Variants in DIXDC1 observed in about 807,000 individuals in gnomAD.
The protein encoded by DIXDC1 is dixin.
Under a neutral mutation model 103.1 loss-of-function variants are expected in DIXDC1, and 64 were observed. That is an observed-to-expected ratio of 0.62 (90% CI 0.51 to 0.76). The LOEUF (loss-of-function observed/expected upper bound fraction) is 0.76. Among genes scored for constraint, DIXDC1 ranks in the 30% least tolerant of loss-of-function variants. The pLI is 0.00. For missense variants in DIXDC1, 759 were observed against 834.2 expected, an observed-to-expected ratio of 0.91 and a Z score of 1.11; for synonymous variants, 266 against 298.5, an observed-to-expected ratio of 0.89 and a Z score of 1.12.
upstream of DIXDC1, chr11:111,937,111 C>A (rs1555168199): frequency 1.6e-6 from 1 of 623,376 alleles, no homozygotes; most frequent in Non-Finnish European, 2.0e-6. Context: ...CACGCACACA[C>A]GCCCGTGCTG....
In DIXDC1 at chr11:112,022,285, C is replaced by T. The variant is rs1179085770; in HGVS notation, c.*3249C>T. The T allele has an allele frequency of 2.0e-5, 3 of 152,088 alleles. No homozygotes were observed. The highest frequency in any genetic ancestry group is 2.9e-5 in the Non-Finnish European group (2 of 68,006). 9.4% of individuals were successfully genotyped at this position (152,088 alleles called of 1,614,324 possible). On this transcript the variant is annotated 3_prime_UTR_variant, in exon 20 of 20. Coordinates refer to ENST00000440460, the MANE Select transcript of DIXDC1 (RefSeq NM_001037954.4). This position sits in a 1 kb window ranked among gnomAD's most constrained non-coding sequence, Gnocchi z 4.9. ...ATTTTCACTGTTTCCATAAAATAAG[C>T]ATTATGATTGCACACTCCTTCTACT...
chr11:111,997,533 G>A (rs769961804), intron 17 of DIXDC1, among the ~76,000 whole-genome samples: 6 of 152,080 alleles, frequency 3.9e-5, no homozygotes, highest in African/African-American at 1.2e-4. Context: ...ATGGGGTTTC[G>A]CCATGTTGGC....
At chr11:111,974,315 T>C (rs1860029286) in intron 4 of DIXDC1, 61 bp downstream of exon 4, 1 of 1,491,722 alleles carries the variant, frequency 6.7e-7, no homozygotes, top group Non-Finnish European at 9.1e-7. Flanking sequence ...TTCTGTTAGA[T>C]GATACAGTGC....
At chr11:111,932,938 T>C, upstream of DIXDC1, among the ~76,000 whole-genome samples, 1 of 152,202 alleles carries the variant, frequency 6.6e-6, no homozygotes, top group Non-Finnish European at 1.5e-5. Context: ...TCATAAGAGG[T>C]GCTCAGTATC....
At chr11:111,963,851 G>T (rs974732412) in intron 1 of DIXDC1, among the ~76,000 whole-genome samples, 2 of 152,174 alleles carry the variant, frequency 1.3e-5, no homozygotes, top group Admixed American at 6.5e-5. Flanking sequence ...ATGCCTCTTA[G>T]TCTTCAGTAA....
At chr11:111,941,828 G>A (rs961692608) in intron 1 of DIXDC1, among the ~76,000 whole-genome samples, 3 of 134,382 alleles carry the variant, frequency 2.2e-5, no homozygotes, top group Admixed American at 7.4e-5. Context: ...AAAACAAAAC[G>A]AAACAAAATA....
At chr11:112,006,216 A>AAC (rs1362208484) in intron 17 of DIXDC1, among the ~76,000 whole-genome samples, 1 of 152,248 alleles carries the variant, frequency 6.6e-6, no homozygotes, top group East Asian at 1.9e-4. Context: ...ACTGCGAGGC[A>AAC]ACAGCCTGGC....
intron 19 of DIXDC1, among the ~76,000 whole-genome samples, chr11:112,018,562 C>A (rs138623021): frequency 2.2e-4 from 34 of 152,276 alleles, no homozygotes; most frequent in African/African-American, 7.9e-4. Flanking sequence ...ATGAAAATAA[C>A]TGCATCTGAG....
At chr11:111,940,164 C>T (rs1335809707) in intron 1 of DIXDC1, among the ~76,000 whole-genome samples, 1 of 152,212 alleles carries the variant, frequency 6.6e-6, no homozygotes, top group East Asian at 1.9e-4. Context: ...CCACTGTTGG[C>T]TTCTGTTCTC....
intron 10 of DIXDC1, among the ~76,000 whole-genome samples, chr11:111,990,177 G>A (rs188580467): frequency 7.8e-4 from 116 of 149,344 alleles, no homozygotes; most frequent in African/African-American, 2.7e-3. Flanking sequence ...TGCAATCTCC[G>A]CCTCCTGGGT....
chr11:111,930,592 G>A (rs1314909483), intron 2 of DIXDC1, among the ~76,000 whole-genome samples: 4 of 152,178 alleles, frequency 2.6e-5, no homozygotes, highest in Admixed American at 2.6e-4. Context: ...ATGTGGGCAC[G>A]TTTGGTAAAC....
intron 15 of DIXDC1, 81 bp from the exon 16 acceptor site, chr11:111,995,322 C>A: frequency 1.3e-6 from 2 of 1,552,612 alleles, no homozygotes; most frequent in Admixed American, 1.8e-5. Flanking sequence ...CTTCTGGAAA[C>A]TTCTCTCCTA....
intron 1 of DIXDC1, among the ~76,000 whole-genome samples, chr11:111,951,868 A>AC (rs1339888245): frequency 1.7e-5 from 1 of 57,576 alleles, no homozygotes; most frequent in Non-Finnish European, 3.0e-5. Flanking sequence ...GTCCATTAAA[A>AC]CTTTTTTTTT....
At chr11:112,018,395 T>C (rs2137651784) in intron 19 of DIXDC1, among the ~76,000 whole-genome samples, 1 of 152,358 alleles carries the variant, frequency 6.6e-6, no homozygotes, top group Non-Finnish European at 1.5e-5. Flanking sequence ...GGAATACAGT[T>C]CTGGGTTATA....
Position 111,977,887 on chromosome 11 carries a change from T to C in DIXDC1, c.657-2850T>C. On this transcript the variant is annotated intron_variant, in intron 5 of 19. Transcript: ENST00000440460. This position sits in a 1 kb window ranked among gnomAD's most constrained non-coding sequence, Gnocchi z 6.1. The stretch of plus-strand genomic sequence containing the variant: ...TGCTGTTGGCCGGAGACAGGCGGGG[T>C]GGTGGGAGCATTATGTTGGGAGGAC... 1 of 1,440,412 alleles carries C rather than the reference T, an allele frequency of 6.9e-7. No individual in the cohort carries two copies. The highest frequency in any genetic ancestry group is 2.8e-5 in the East Asian group (1 of 35,436). The allele number at this position is 1,440,412 out of a possible 1,614,324, so 89.2% of individuals were successfully genotyped here.
intron 2 of DIXDC1, among the ~76,000 whole-genome samples, chr11:111,930,314 C>A (rs1393615054): frequency 6.6e-6 from 1 of 152,108 alleles, no homozygotes; most frequent in Non-Finnish European, 1.5e-5. Context: ...TTCTTGCAGT[C>A]ACTATATATA....
chr11:111,947,495 A>G (rs1246461637), intron 1 of DIXDC1, among the ~76,000 whole-genome samples: 1 of 152,192 alleles, frequency 6.6e-6, no homozygotes, highest in Non-Finnish European at 1.5e-5. Context: ...TGGCCTTCAC[A>G]AGTGTCTACT....
chr11:111,966,228 CT>C (rs71060203), intron 2 of DIXDC1, among the ~76,000 whole-genome samples: 111 of 91,712 alleles, frequency 1.2e-3, no homozygotes, highest in African/African-American at 3.4e-3. Context: ...TTTTTTTTTC[CT>C]TTTTTTTTTT....
At chr11:112,013,202 G>T (rs587763127) in intron 17 of DIXDC1, among the ~76,000 whole-genome samples, 1 of 151,756 alleles carries the variant, frequency 6.6e-6, no homozygotes, top group South Asian at 2.1e-4. Flanking sequence ...AGTTCTGTTG[G>T]ATCAGGGCTC....
Sources: gnomAD v4.1 joint callset for allele counts (sites outside exome capture counted in the v4.1 genomes callset) on GRCh38, gnomAD v4.1.1 for gene constraint, Gnocchi (gnomAD v3.1) non-coding constraint, MANE v1.5 for transcripts, NCBI Gene and HGNC (gene_info 2026-07-23, HGNC 2026-07-21) for gene names.